Variants in FGF13 observed in about 807,000 individuals in gnomAD.
FGF13 encodes fibroblast growth factor homologous factor 2.
FGF13 carries 2 observed loss-of-function variants against 19.5 expected under a neutral mutation model. The observed-to-expected ratio is 0.10, with a 90% CI of 0.04 to 0.32. The LOEUF (loss-of-function observed/expected upper bound fraction) is 0.32. Ranked by LOEUF, FGF13 falls within the 10% of genes least tolerant of loss-of-function variation. FGF13 has a pLI of 1.00. For missense variants in FGF13, 113 were observed against 192.7 expected, an observed-to-expected ratio of 0.59 and a Z score of 2.45; for synonymous variants, 72 against 76.9, an observed-to-expected ratio of 0.94 and a Z score of 0.33.
At chrX:138,657,758 C>A (rs906260753) in intron 3 of FGF13, among the ~76,000 whole-genome samples, 4 of 111,730 alleles carry the variant, frequency 3.6e-5, no homozygotes, top group Non-Finnish European at 7.5e-5. Flanking sequence ...AATCCAAAAC[C>A]AAAATTCAGA....
At position 138,628,442 on chromosome X, in the gene FGF13, A is replaced by C. The variant is rs1408763499; in HGVS notation, c.*4408T>G. On this transcript the variant is annotated 3_prime_UTR_variant, in exon 5 of 5. Transcript: ENST00000315930. Reference sequence around the variant, plus strand: ...TTCTAAAGTGAGAAAATGGCTTTGAATAGAGGTTGAAAGGATTTTCAGAAA... The same window carrying C: ...TTCTAAAGTGAGAAAATGGCTTTGACTAGAGGTTGAAAGGATTTTCAGAAA... 8.9e-6 allele frequency: 1 copy of C among 112,330 alleles called. No homozygotes were observed. The highest frequency in any genetic ancestry group is 9.5e-5 in the Admixed American group (1 of 10,582). The allele number at this position is 112,330 out of a possible 1,213,427, so 9.3% of individuals were successfully genotyped here.
At chrX:139,020,782 T>C (rs989662625) in intron 1 of FGF13, among the ~76,000 whole-genome samples, 1 of 111,801 alleles carries the variant, frequency 8.9e-6, no homozygotes, top group Non-Finnish European at 1.9e-5. Flanking sequence ...ATTTTAGGTG[T>C]ATTTTATTGC....
chrX:138,880,775 T>C (rs959916190), intron 1 of FGF13, among the ~76,000 whole-genome samples: 1 of 112,280 alleles, frequency 8.9e-6, no homozygotes, highest in Non-Finnish European at 1.9e-5. Context: ...AATTCTACGC[T>C]ATTAGTCTAT....
chrX:138,632,762 TG>T lies in FGF13; in HGVS notation c.*87del. The T allele has an allele frequency of 9.4e-7, 1 of 1,062,367 alleles. No individual in the cohort carries two copies. The highest frequency in any genetic ancestry group is 1.3e-6 in the Non-Finnish European group (1 of 791,199). 87.6% of individuals were successfully genotyped at this position (1,062,367 alleles called of 1,213,427 possible). A position where few individuals can be genotyped will look rare whatever the true frequency, so the allele number is the denominator to read the frequency against. On this transcript the variant is annotated 3_prime_UTR_variant, in exon 5 of 5. Transcript: ENST00000315930. ...GTTTGGTAAATGTCACTGACAAATT[TG>T]AACTTTTGGGTGAAGGACTGCTAGA...
intron 3 of FGF13, among the ~76,000 whole-genome samples, chrX:138,679,601 G>T (rs183230504): frequency 1.6e-3 from 180 of 112,233 alleles, no homozygotes; most frequent in Middle Eastern, 4.6e-3. Flanking sequence ...CTATATTATG[G>T]TCTATAAAGT....
chrX:139,074,453 G>A (rs2092386339), intron 1 of FGF13, among the ~76,000 whole-genome samples: 1 of 111,800 alleles, frequency 8.9e-6, no homozygotes, highest in African/African-American at 3.3e-5. Flanking sequence ...GGCTCAGAGA[G>A]GTGAAGCTAC....
chrX:138,648,449 A>G (rs1231714908), intron 3 of FGF13, among the ~76,000 whole-genome samples: 1 of 111,214 alleles, frequency 9.0e-6, no homozygotes, highest in African/African-American at 3.3e-5. Context: ...GATTGGAGAA[A>G]TAAGTCCAGG....
chrX:139,084,540 C>A (rs771326696), intron 1 of FGF13, among the ~76,000 whole-genome samples: 1 of 111,490 alleles, frequency 9.0e-6, no homozygotes, highest in African/African-American at 3.3e-5. Flanking sequence ...TCAGTGGAGC[C>A]GCGAAGCATC....
intron 3 of FGF13, among the ~76,000 whole-genome samples, chrX:138,688,951 ATC>A (rs1394335140): frequency 9.0e-6 from 1 of 111,675 alleles, no homozygotes; most frequent in East Asian, 2.8e-4. Flanking sequence ...CTTTGAAAAT[ATC>A]TGTCATCATG....
intron 1 of FGF13, among the ~76,000 whole-genome samples, chrX:138,972,939 AGTTTT>A (rs2091924898): frequency 9.1e-6 from 1 of 110,148 alleles, no homozygotes; most frequent in African/African-American, 3.3e-5. Flanking sequence ...AAGCCTTGTC[AGTTTT>A]GTTTAGTTTT....
At chrX:139,107,891 GAAAAAAA>G (rs1263942968) in intron 1 of FGF13, among the ~76,000 whole-genome samples, 2 of 105,173 alleles carry the variant, frequency 1.9e-5, no homozygotes, top group Non-Finnish European at 3.9e-5. Flanking sequence ...AGTAAAAAAA[GAAAAAAA>G]AAATGTGGAT....
At chrX:139,186,142 G>A (rs1418981940) in intron 1 of FGF13, among the ~76,000 whole-genome samples, 3 of 111,705 alleles carry the variant, frequency 2.7e-5, no homozygotes, top group African/African-American at 9.8e-5. Context: ...AGAAGCAAAG[G>A]ATATTAGGAT....
At chrX:138,784,439 C>T in intron 3 of FGF13, among the ~76,000 whole-genome samples, 1 of 110,076 alleles carries the variant, frequency 9.1e-6, no homozygotes, top group Non-Finnish European at 1.9e-5. Context: ...ATTGAAATGG[C>T]TCATGTTAAG....
At chrX:139,118,993 T>C (rs1359680914) in intron 1 of FGF13, among the ~76,000 whole-genome samples, 1 of 111,139 alleles carries the variant, frequency 9.0e-6, no homozygotes, top group Non-Finnish European at 1.9e-5. Context: ...ACCCCATCTT[T>C]ACAAAACATA....
intron 1 of FGF13, among the ~76,000 whole-genome samples, chrX:138,885,709 G>A (rs1315565456): frequency 9.4e-6 from 1 of 106,198 alleles, no homozygotes; most frequent in African/African-American, 3.5e-5. Flanking sequence ...AACCCCCCCC[G>A]CCAATACTAC....
chrX:138,965,121 A>G (rs1451536137), intron 1 of FGF13, among the ~76,000 whole-genome samples: 1 of 112,104 alleles, frequency 8.9e-6, no homozygotes, highest in Non-Finnish European at 1.9e-5. Context: ...AGAATGATGA[A>G]AGAACAAAAG....
chrX:139,144,358 T>C (rs968989975), intron 1 of FGF13, among the ~76,000 whole-genome samples: 17 of 112,140 alleles, frequency 1.5e-4, no homozygotes, highest in African/African-American at 3.9e-4. Flanking sequence ...TCTTAACCAC[T>C]GCCTGAGACA....
intron 3 of FGF13, among the ~76,000 whole-genome samples, chrX:138,805,519 G>C (rs899629119): frequency 1.8e-5 from 2 of 111,184 alleles, no homozygotes; most frequent in African/African-American, 6.5e-5. Context: ...CTGAAGTCAA[G>C]GGTGAGAGTG....
intron 1 of FGF13, among the ~76,000 whole-genome samples, chrX:139,042,822 T>C (rs1025092251): frequency 9.0e-6 from 1 of 111,662 alleles, no homozygotes; most frequent in Non-Finnish European, 1.9e-5. Context: ...TTCAGATAAT[T>C]GGATTTTTAA....
Sources: allele counts gnomAD v4.1 joint callset (sites outside exome capture counted in the v4.1 genomes callset), GRCh38; gene constraint gnomAD v4.1.1; transcripts MANE v1.5; gene names NCBI Gene and HGNC (gene_info 2026-07-23, HGNC 2026-07-21).